GNPDA2: variants seen among roughly 807,000 people sequenced by gnomAD.
GNPDA2 encodes the protein glucosamine-6-phosphate deaminase 2.
GNPDA2 carries 24 observed loss-of-function variants against 27.0 expected under a neutral mutation model. The observed-to-expected ratio is 0.89, with a 90% CI of 0.64 to 1.25. GNPDA2 has a LOEUF of 1.25. Among genes scored for constraint, GNPDA2 ranks in the 50% most tolerant of loss-of-function variants. The probability of loss-of-function intolerance (pLI) is 0.00; values close to 1 mark genes in which losing one functional copy is unlikely to be tolerated. For missense variants in GNPDA2, 286 were observed against 335.1 expected, an observed-to-expected ratio of 0.85 and a Z score of 1.14; for synonymous variants, 94 against 108.4, an observed-to-expected ratio of 0.87 and a Z score of 0.83.
intron 2 of GNPDA2, among the ~76,000 whole-genome samples, chr4:44,718,813 G>C (rs554707402): frequency 1.3e-5 from 2 of 151,770 alleles, no homozygotes; most frequent in Non-Finnish European, 2.9e-5. Flanking sequence ...GAAATTAAAA[G>C]GGAAAACAGG....
At chr4:44,705,856 T>C (rs1716569576) in intron 6 of GNPDA2, 1 of 151,948 alleles carries the variant, frequency 6.6e-6, no homozygotes, top group Admixed American at 6.6e-5. Context: ...GGACTATGAA[T>C]ACCCATTTCA....
intron 2 of GNPDA2, among the ~76,000 whole-genome samples, chr4:44,721,258 C>A (rs554485283): frequency 2.0e-5 from 3 of 152,232 alleles, no homozygotes; most frequent in South Asian, 4.1e-4. Flanking sequence ...ATAAAACACA[C>A]GGGAACTATA....
At chr4:44,725,865 C>CTGAA (rs1000635799) in intron 1 of GNPDA2, among the ~76,000 whole-genome samples, 7 of 152,166 alleles carry the variant, frequency 4.6e-5, no homozygotes, top group Non-Finnish European at 8.8e-5. Context: ...AAAAGGGCTG[C>CTGAA]TGAATATAAA....
intron 6 of GNPDA2, chr4:44,703,948 G>C (rs945062801): frequency 1.0e-5 from 10 of 984,646 alleles, no homozygotes; most frequent in Non-Finnish European, 1.2e-5. Context: ...AGTTTTCCAG[G>C]TATTAAGAAC....
chr4:44,721,075 T>G (rs1217019410), intron 2 of GNPDA2, among the ~76,000 whole-genome samples: 1 of 151,474 alleles, frequency 6.6e-6, no homozygotes, highest in Non-Finnish European at 1.5e-5. Flanking sequence ...AAAACCCTTT[T>G]GCCATTCTCA....
intron 2 of GNPDA2, among the ~76,000 whole-genome samples, chr4:44,721,641 T>C (rs1307692141): frequency 6.6e-6 from 1 of 151,764 alleles, no homozygotes; most frequent in Non-Finnish European, 1.5e-5. Flanking sequence ...ATATAATATA[T>C]AATTTATAAC....
chr4:44,704,913 AAAAAGCAAAAATG>A lies in GNPDA2; in HGVS notation c.770-1784_770-1772del, dbSNP rs1419277678. On this transcript the variant is annotated intron_variant, in intron 6 of 6. Transcript: ENST00000295448. ...ACTAAAAATCAAAGCTGTTCTATTTAAAAAGCAAAAATGAAAAGCGAGAATGAATAAAACAAAT... is the reference window on the plus strand; with the variant it reads ...ACTAAAAATCAAAGCTGTTCTATTTAAAAAGCGAGAATGAATAAAACAAAT... 4 of 983,332 alleles carry A rather than the reference AAAAAGCAAAAATG, an allele frequency of 4.1e-6. No homozygotes were observed. In the African/African-American group the frequency reaches 7.0e-5, roughly 17 times the overall value. The allele number at this position is 983,332 out of a possible 1,614,324, so 60.9% of individuals were successfully genotyped here.
At chr4:44,714,264 C>T (rs1717150091) in intron 4 of GNPDA2, 3 of 981,526 alleles carry the variant, frequency 3.1e-6, no homozygotes, top group African/African-American at 1.7e-5. Flanking sequence ...TGTGAGCCAC[C>T]GGATCCCAGC....
rs186420069 is a variant in GNPDA2 at position 44,722,433 on chromosome 4, T to C, written c.-35-191A>G. Among the ~76,000 whole-genome samples, 1,486 of 152,298 alleles carry C rather than the reference T, an allele frequency of 9.8e-3. 5 individuals are homozygous for C. The highest frequency in any genetic ancestry group is 0.015 in the Non-Finnish European group (989 of 68,014). On this transcript the variant is annotated intron_variant, in intron 1 of 6. Coordinates refer to ENST00000295448, the MANE Select transcript of GNPDA2 (RefSeq NM_138335.3). ...AAAAAATAGTAATAGCTGTTCTCTTTTGAGCAGACACTGAGTTTAAGGCAG... is the reference window on the plus strand; with the variant it reads ...AAAAAATAGTAATAGCTGTTCTCTTCTGAGCAGACACTGAGTTTAAGGCAG...
intron 5 of GNPDA2, among the ~76,000 whole-genome samples, chr4:44,710,642 G>A (rs1716916223): frequency 6.6e-6 from 1 of 152,148 alleles, no homozygotes; most frequent in Non-Finnish European, 1.5e-5. Context: ...GTCCTGTCAT[G>A]AGACACTTTC....
chr4:44,705,121 T>C (rs909856889), intron 6 of GNPDA2: 188 of 985,018 alleles, frequency 1.9e-4, no homozygotes, highest in Non-Finnish European at 2.2e-4. Context: ...TTTAAGATTC[T>C]GGTCAGCACT....
At chr4:44,707,481 T>C (rs1362253011) in intron 6 of GNPDA2, 2 of 435,956 alleles carry the variant, frequency 4.6e-6, no homozygotes, top group African/African-American at 4.0e-5. Flanking sequence ...GTATATTCAA[T>C]ATGAAAGTAA....
Position 44,722,096 on chromosome 4 carries a change from C to A in GNPDA2, c.112G>T (p.Gly38Cys), listed in dbSNP as rs749181971. The change falls in exon 2 of 7, where the codon GGT becomes TGT. Residue 38 changes from glycine (G) to cysteine (C), a missense_variant. Physicochemically the swap from Gly to Cys is radical, Grantham distance 159. Coordinates refer to ENST00000295448, the MANE Select transcript of GNPDA2 (RefSeq NM_138335.3). ...KPGQDRYFTL[G>C]LPTGSTPLGC... ...AGTAGTTAATTACCTGTTGGTAAAC[C>A]CAGTGTAAAATATCTGTCCTGTCCA... The A allele has an allele frequency of 6.2e-7, 1 of 1,606,716 alleles. No individual in the cohort carries two copies.
chr4:44,708,250 G>A (rs1051751077), intron 5 of GNPDA2, among the ~76,000 whole-genome samples: 1 of 152,074 alleles, frequency 6.6e-6, no homozygotes, highest in Non-Finnish European at 1.5e-5. Flanking sequence ...GGACTGTGTT[G>A]CAAAAGCAGA....
chr4:44,716,979 T>C (rs1717331858), intron 4 of GNPDA2, 134 bp downstream of exon 4: 4 of 547,114 alleles, frequency 7.3e-6, no homozygotes, highest in Non-Finnish European at 1.3e-5. Flanking sequence ...CAGGAATCAG[T>C]AGCAGAATAA....
rs71648800 is a variant in GNPDA2, at chr4:44,711,809, G to GTGTATA, written c.410-673_410-672insTATACA. Reference sequence around the variant, plus strand: ...AAATAACATTTGATATTGCAATCTAGTATATATATATATATATATACACAT... The same window carrying GTGTATA: ...AAATAACATTTGATATTGCAATCTAGTGTATATATATATATATATATATATACACAT... On this transcript the variant is annotated intron_variant, in intron 4 of 6. Coordinates refer to ENST00000295448, the MANE Select transcript of GNPDA2 (RefSeq NM_138335.3). Among the ~76,000 whole-genome samples the GTGTATA allele has an allele frequency of 5.8e-5, 6 of 103,348 alleles. No homozygotes were observed. The South Asian group carries it at 1.2e-3, about 20-fold the overall frequency. The allele number at this position is 103,348 out of a possible 152,430, so 67.8% of individuals were successfully genotyped here.
intron 1 of GNPDA2, among the ~76,000 whole-genome samples, chr4:44,723,454 T>C (rs752148114): frequency 5.9e-5 from 9 of 152,176 alleles, no homozygotes; most frequent in Non-Finnish European, 1.3e-4. Context: ...TCACCACGTG[T>C]ACACATTATT....
chr4:44,717,360 T>G, intron 3 of GNPDA2, 65 bp from the exon 4 acceptor site: 1 of 854,272 alleles, frequency 1.2e-6, no homozygotes, highest in Admixed American at 3.1e-5. Flanking sequence ...TTTTTCTTTT[T>G]AAGTCATAAG....
At chr4:44,703,438 T>C (rs1716395842) in intron 6 of GNPDA2, 2 of 1,122,372 alleles carry the variant, frequency 1.8e-6, no homozygotes, top group Non-Finnish European at 2.2e-6. Flanking sequence ...CATGACAAAT[T>C]TGAATACTGA....
Sources: gnomAD v4.1 joint callset for allele counts (sites outside exome capture counted in the v4.1 genomes callset) on GRCh38, gnomAD v4.1.1 for gene constraint, MANE v1.5 for transcripts, NCBI Gene and HGNC (gene_info 2026-07-23, HGNC 2026-07-21) for gene names.